The following WWOX variants were observed in gnomAD, a reference collection of about 807,000 sequenced individuals.
The protein encoded by WWOX is WW domain containing oxidoreductase, also known as WW domain-containing oxidoreductase.
Under a neutral mutation model 46.2 loss-of-function variants are expected in WWOX, and 69 were observed. That is an observed-to-expected ratio of 1.49 (90% confidence interval 1.23 to 1.82). The LOEUF is 1.82. WWOX is among the 40% of genes most tolerant of loss of function. The pLI, the probability that WWOX is intolerant of heterozygous loss-of-function variation, is 0.00. For synonymous variants in WWOX, 359 were observed against 202.6 expected (o/e 1.77, Z -6.56); for missense variants, 919 against 542.6 (o/e 1.69, Z -6.89).
chr16:78,246,021 T>C (rs1318732852), intron 5 of WWOX, among the ~76,000 whole-genome samples: 1 of 152,206 alleles, frequency 6.6e-6, no homozygotes, highest in Non-Finnish European at 1.5e-5. Flanking sequence ...CCCTGAATGG[T>C]AAGGCTCCAC....
At chr16:78,764,050 A>C (rs2049865308) in intron 8 of WWOX, among the ~76,000 whole-genome samples, 1 of 152,140 alleles carries the variant, frequency 6.6e-6, no homozygotes. Context: ...GGATATGTGA[A>C]ATATTTGCTC....
intron 8 of WWOX, among the ~76,000 whole-genome samples, chr16:79,124,945 C>T (rs1443143193): frequency 6.6e-6 from 1 of 152,058 alleles, no homozygotes; most frequent in Non-Finnish European, 1.5e-5. Context: ...GAACCAAGCT[C>T]TGAGAGAGTT....
chr16:78,807,729 C>A (rs559255373), intron 8 of WWOX, among the ~76,000 whole-genome samples: 32 of 152,338 alleles, frequency 2.1e-4, no homozygotes, highest in Middle Eastern at 3.4e-3. Context: ...ATAATTGGGG[C>A]TTCTCCAAAG....
chr16:78,815,156 C>G (rs757872575), intron 8 of WWOX, among the ~76,000 whole-genome samples: 8 of 152,070 alleles, frequency 5.3e-5, no homozygotes, highest in Admixed American at 4.6e-4. Flanking sequence ...GAAAACCCAT[C>G]TCTACTAAAA....
At chr16:78,725,324 T>TTTTTC (rs1159824105) in intron 8 of WWOX, among the ~76,000 whole-genome samples, 3 of 125,764 alleles carry the variant, frequency 2.4e-5, no homozygotes, top group African/African-American at 3.1e-5. Flanking sequence ...TTTTTTTCCT[T>TTTTTC]TTTTCTTTTC....
At chr16:78,102,177 C>G (rs1351228901) in intron 1 of WWOX, among the ~76,000 whole-genome samples, 1 of 152,150 alleles carries the variant, frequency 6.6e-6, no homozygotes, top group African/African-American at 2.4e-5. Context: ...TCCCGAAGCA[C>G]TGGAATCACA....
At chr16:78,798,375 A>G (rs1421408565) in intron 8 of WWOX, among the ~76,000 whole-genome samples, 1 of 152,176 alleles carries the variant, frequency 6.6e-6, no homozygotes, top group East Asian at 1.9e-4. Flanking sequence ...AAAAGCTAAT[A>G]ACACAACCCA....
At chr16:78,491,040 C>T (rs1428654739) in intron 8 of WWOX, among the ~76,000 whole-genome samples, 1 of 152,226 alleles carries the variant, frequency 6.6e-6, no homozygotes, top group African/African-American at 2.4e-5. Flanking sequence ...CTTCATGCTT[C>T]AGCCAAAGTG....
intron 8 of WWOX, among the ~76,000 whole-genome samples, chr16:78,716,272 GA>G (rs2142338436): frequency 6.6e-6 from 1 of 152,226 alleles, no homozygotes; most frequent in Non-Finnish European, 1.5e-5. Context: ...GGGACTGCCA[GA>G]AGCTCCTGAA....
chr16:79,006,083 C>A (rs757502574), intron 8 of WWOX, among the ~76,000 whole-genome samples: 1 of 152,158 alleles, frequency 6.6e-6, no homozygotes, highest in South Asian at 2.1e-4. Context: ...ATGGTCACTG[C>A]GCTAGGGAAG....
chr16:78,740,963 C>G (rs1022025753), intron 8 of WWOX, among the ~76,000 whole-genome samples: 2 of 152,128 alleles, frequency 1.3e-5, no homozygotes, highest in African/African-American at 2.4e-5. Context: ...GAGAACTGTG[C>G]AAATACAAGC....
rs555289640 is a variant in WWOX at position 78,509,274 on chromosome 16, A to G, written c.1056+76522A>G. Among the ~76,000 whole-genome samples, 6 of 152,276 alleles carry G rather than the reference A, an allele frequency of 3.9e-5. No homozygotes were observed. In the South Asian group the frequency reaches 8.3e-4, roughly 21 times the overall value. On this transcript the variant is annotated intron_variant, in intron 8 of 8. Coordinates refer to ENST00000566780, the MANE Select transcript of WWOX (RefSeq NM_016373.4). ...GCCAACATGGCAAAACCCTGTCTCT[A>G]CTAAAAAATACAAAAGTTAGCCGAG...
intron 8 of WWOX, among the ~76,000 whole-genome samples, chr16:78,755,745 A>T (rs1003305523): frequency 1.3e-5 from 2 of 152,106 alleles, no homozygotes; most frequent in African/African-American, 4.8e-5. Context: ...TATGCCGAAT[A>T]TTATTCCTGA....
intron 8 of WWOX, chr16:79,106,840 T>A (rs985278382): frequency 4.7e-5 from 7 of 148,560 alleles, no homozygotes; most frequent in African/African-American, 1.7e-4. Flanking sequence ...TGGAGTCTTG[T>A]TCTTATGCCG....
At chr16:78,511,105 T>A (rs1479269097) in intron 8 of WWOX, among the ~76,000 whole-genome samples, 1 of 152,224 alleles carries the variant, frequency 6.6e-6, no homozygotes, top group South Asian at 2.1e-4. Flanking sequence ...TCCTTTATGA[T>A]TAGCAAATTG....
At chr16:78,608,404 C>G (rs1031972080) in intron 8 of WWOX, among the ~76,000 whole-genome samples, 1 of 152,236 alleles carries the variant, frequency 6.6e-6, no homozygotes, top group Non-Finnish European at 1.5e-5. Context: ...GCCTGTGCTA[C>G]ATAACTGTCT....
chr16:79,106,924 C>T (rs2049322139), intron 8 of WWOX, among the ~76,000 whole-genome samples: 1 of 150,892 alleles, frequency 6.6e-6, no homozygotes, highest in Non-Finnish European at 1.5e-5. Context: ...TCTCCTGCCT[C>T]AGCCTCTCGA....
intron 8 of WWOX, among the ~76,000 whole-genome samples, chr16:78,503,306 A>G (rs1468957966): frequency 6.6e-6 from 1 of 152,154 alleles, no homozygotes; most frequent in Admixed American, 6.5e-5. Context: ...AAATAAGGTA[A>G]CAGACCCTCA....
intron 8 of WWOX, among the ~76,000 whole-genome samples, chr16:79,086,274 A>T (rs1004429566): frequency 1.3e-5 from 2 of 152,124 alleles, no homozygotes; most frequent in Non-Finnish European, 2.9e-5. Flanking sequence ...TCATCCTTCC[A>T]ATTGTTAAGT....
Sources: gnomAD v4.1 joint callset for allele counts (sites outside exome capture counted in the v4.1 genomes callset) on GRCh38, gnomAD v4.1.1 for gene constraint, MANE v1.5 for transcripts, NCBI Gene and HGNC (gene_info 2026-07-23, HGNC 2026-07-21) for gene names.